CEP83: variants seen among roughly 807,000 people sequenced by gnomAD.
The protein encoded by CEP83 is centrosomal protein of 83 kDa.
CEP83 carries 70 observed loss-of-function variants against 101.9 expected under a neutral mutation model. The observed-to-expected ratio is 0.69, with a 90% CI of 0.57 to 0.84. The LOEUF is 0.84. CEP83 is among the 40% of genes least tolerant of loss of function. CEP83 has a pLI of 0.00. For synonymous variants in CEP83, 264 were observed against 267.9 expected (o/e 0.99, Z 0.14); for missense variants, 715 against 787.2 (o/e 0.91, Z 1.10).
At chr12:94,423,991 G>A in intron 2 of CEP83, 1 of 1,613,248 alleles carries the variant, frequency 6.2e-7, no homozygotes, top group Non-Finnish European at 8.5e-7. Context: ...AAATGGGATG[G>A]TCCATCCCTG....
At chr12:94,307,420 T>A (rs962092304), downstream of CEP83, 1 of 152,244 alleles carries the variant, frequency 6.6e-6, no homozygotes, top group Non-Finnish European at 1.5e-5. Flanking sequence ...TGGGTCTATA[T>A]TAAACAGCAA....
At chr12:94,289,277 A>C in the CEP83 span, among the ~76,000 whole-genome samples, 2 of 152,182 alleles carry the variant, frequency 1.3e-5, no homozygotes, top group African/African-American at 4.8e-5. Flanking sequence ...TCTCATTCTA[A>C]TGATGGGAAA....
intron 2 of CEP83, chr12:94,423,822 C>G (rs2064971698): frequency 6.2e-7 from 1 of 1,613,464 alleles, no homozygotes; most frequent in East Asian, 2.2e-5. Context: ...GGCCGCTGCT[C>G]TCCTCGACTG....
intron 2 of CEP83, among the ~76,000 whole-genome samples, chr12:94,415,943 T>C (rs1460545989): frequency 6.6e-6 from 1 of 152,086 alleles, no homozygotes; most frequent in East Asian, 1.9e-4. Flanking sequence ...GTTGACCACA[T>C]GCCAGGTATT....
Position 94,354,274 on chromosome 12 carries a change from T to C in CEP83, c.1343+13520A>G, listed in dbSNP as rs1055267074. On this transcript the variant is annotated intron_variant, in intron 11 of 16. Transcript: ENST00000397809. Reference sequence around the variant, plus strand: ...GGCACAATCTCGGCTCACTGTAACCTCTGCCTCCTGGGTTCTTGTGCCTCA... The same window carrying C: ...GGCACAATCTCGGCTCACTGTAACCCCTGCCTCCTGGGTTCTTGTGCCTCA... 5.1e-4 allele frequency among the ~76,000 whole-genome samples: 77 copies of C among 152,062 alleles called. 1 individual carries two copies. The highest frequency in any genetic ancestry group is 1.8e-3 in the African/African-American group (76 of 41,452).
At chr12:94,423,812 G>T in intron 2 of CEP83, 1 of 1,613,682 alleles carries the variant, frequency 6.2e-7, no homozygotes, top group Non-Finnish European at 8.5e-7. Context: ...TGGTTCTGTT[G>T]GCCGCTGCTC....
the CEP83 span, among the ~76,000 whole-genome samples, chr12:94,281,537 C>CT: frequency 3.9e-4 from 59 of 152,148 alleles, no homozygotes; most frequent in African/African-American, 1.3e-3. Context: ...GTTCGATTTT[C>CT]TTTTTTTAAA....
chr12:94,416,573 CAAAAAAA>C (rs59339712), intron 2 of CEP83, among the ~76,000 whole-genome samples: 3 of 147,960 alleles, frequency 2.0e-5, no homozygotes, highest in African/African-American at 5.0e-5. Flanking sequence ...CACACACACA[CAAAAAAA>C]AAAAAACTGT....
chr12:94,333,589 A>G lies in CEP83; in HGVS notation c.1470T>C (p.Asn490=), dbSNP rs780167307. The G allele has an allele frequency of 1.4e-5, 23 of 1,613,644 alleles. No individual in the cohort carries two copies. The Admixed American group carries it at 3.8e-4, about 27-fold the overall frequency. ...IQVTSLAQSE[N]DLLNSNQMLK... ...GCATTTGGTTTGAATTCAGCAAGTC[A>G]TTCTCTGACTGTGCAAGTGAAGTCA... Residue 490 remains asparagine, a synonymous_variant, in exon 13 of 17, where the codon AAT becomes AAC. Transcript: ENST00000397809.
chr12:94,286,875 T>C, the CEP83 span, among the ~76,000 whole-genome samples: 2 of 152,140 alleles, frequency 1.3e-5, no homozygotes. Context: ...CTCAGCACAT[T>C]TGAAGAACAG....
At chr12:94,389,076 A>C (rs1232347630) in intron 6 of CEP83, among the ~76,000 whole-genome samples, 1 of 152,186 alleles carries the variant, frequency 6.6e-6, no homozygotes, top group African/African-American at 2.4e-5. Flanking sequence ...GCAGTGAGCC[A>C]AGATCGCGCC....
chr12:94,376,792 T>C (rs1210154863), intron 7 of CEP83, among the ~76,000 whole-genome samples: 1 of 149,844 alleles, frequency 6.7e-6, no homozygotes, highest in Admixed American at 6.7e-5. Context: ...CAGGCTGCAG[T>C]GCAATGGCAC....
intron 1 of CEP83, among the ~76,000 whole-genome samples, chr12:94,446,355 G>C (rs958025077): frequency 2.0e-5 from 3 of 152,112 alleles, no homozygotes; most frequent in African/African-American, 7.2e-5. Context: ...TTAGTCTAGG[G>C]TAAAGTTGGT....
chr12:94,393,881 C>A (rs1286376018), intron 6 of CEP83, among the ~76,000 whole-genome samples: 1 of 152,116 alleles, frequency 6.6e-6, no homozygotes, highest in Non-Finnish European at 1.5e-5. Flanking sequence ...ACAATTGCTA[C>A]AAAGAGAATA....
At chr12:94,440,933 C>T (rs927642002) in intron 1 of CEP83, among the ~76,000 whole-genome samples, 26 of 152,002 alleles carry the variant, frequency 1.7e-4, no homozygotes, top group Admixed American at 1.6e-3. Context: ...AGTAGAGAAA[C>T]GACAACCTAT....
At chr12:94,287,168 T>C in the CEP83 span, among the ~76,000 whole-genome samples, 1 of 152,262 alleles carries the variant, frequency 6.6e-6, no homozygotes, top group Non-Finnish European at 1.5e-5. Flanking sequence ...GGTGCATTTC[T>C]GTTCCAGTGT....
intron 8 of CEP83, among the ~76,000 whole-genome samples, chr12:94,370,323 C>A (rs568694696): frequency 6.6e-6 from 1 of 152,312 alleles, no homozygotes; most frequent in South Asian, 2.1e-4. Flanking sequence ...CTAAAATCAA[C>A]TACTCAATGA....
In CEP83 at chr12:94,327,117, G is replaced by A. The variant is rs537642030; in HGVS notation, c.1707+4583C>T. Among the ~76,000 whole-genome samples the A allele has an allele frequency of 2.0e-3, 308 of 152,306 alleles. 1 individual carries two copies. The highest frequency in any genetic ancestry group is 7.1e-3 in the African/African-American group (296 of 41,568). ...AGAGGTAAAATTAGTGGAAAGGAATGATTCTAATTTTTACTTGAGTGGTCC... is the reference window on the plus strand; with the variant it reads ...AGAGGTAAAATTAGTGGAAAGGAATAATTCTAATTTTTACTTGAGTGGTCC... On this transcript the variant is annotated intron_variant, in intron 14 of 16. Coordinates refer to ENST00000397809, the MANE Select transcript of CEP83 (RefSeq NM_016122.3).
chr12:94,387,328 A>C (rs199545109), intron 6 of CEP83, among the ~76,000 whole-genome samples: 2 of 152,174 alleles, frequency 1.3e-5, no homozygotes, highest in East Asian at 3.8e-4. Flanking sequence ...GGAGCATTAG[A>C]TTCTCATAGT....
Sources: gnomAD v4.1 joint callset for allele counts (sites outside exome capture counted in the v4.1 genomes callset) on GRCh38, gnomAD v4.1.1 for gene constraint, MANE v1.5 for transcripts, NCBI Gene and HGNC (gene_info 2026-07-23, HGNC 2026-07-21) for gene names.